The following DLGAP1 variants were observed in gnomAD, a reference collection of about 807,000 sequenced individuals.
The protein encoded by DLGAP1 is DLG associated protein 1.
A neutral mutation model predicts 90.8 loss-of-function variants in DLGAP1; 11 were observed. The observed-to-expected ratio is 0.12, with a 90% CI of 0.08 to 0.20. The LOEUF (loss-of-function observed/expected upper bound fraction) is 0.20, where lower values mean the gene tolerates loss of function less well. Ranked by LOEUF, DLGAP1 falls within the 10% of genes least tolerant of loss-of-function variation. DLGAP1 has a pLI of 1.00. For synonymous variants in DLGAP1, 558 were observed against 540.7 expected (o/e 1.03, Z -0.44); for missense variants, 1,050 against 1,333.8 (o/e 0.79, Z 3.31).
chr18:3,932,146 A>T (rs1230022729), intron 3 of DLGAP1, among the ~76,000 whole-genome samples: 1 of 152,186 alleles, frequency 6.6e-6, no homozygotes, highest in Non-Finnish European at 1.5e-5. Context: ...AAAGTCGCCC[A>T]CATGGTTAAA....
intron 5 of DLGAP1, among the ~76,000 whole-genome samples, chr18:3,792,891 C>G (rs2065802515): frequency 6.6e-6 from 1 of 152,182 alleles, no homozygotes; most frequent in South Asian, 2.1e-4. Context: ...CTGCTGCCAT[C>G]TGTGAAGCCT....
At chr18:4,224,691 C>T (rs2078148737) in intron 1 of DLGAP1, among the ~76,000 whole-genome samples, 1 of 150,686 alleles carries the variant, frequency 6.6e-6, no homozygotes, top group African/African-American at 2.4e-5. Flanking sequence ...GAATAGAGCA[C>T]CAGGTAGGTT....
intron 6 of DLGAP1, among the ~76,000 whole-genome samples, chr18:3,732,966 CTA>C (rs2062499369): frequency 6.6e-6 from 1 of 152,058 alleles, no homozygotes; most frequent in African/African-American, 2.4e-5. Context: ...GTAACCTCTT[CTA>C]TATATGTTTA....
chr18:3,928,678 CT>C (rs2072447772), intron 3 of DLGAP1, among the ~76,000 whole-genome samples: 1 of 152,164 alleles, frequency 6.6e-6, no homozygotes, highest in East Asian at 1.9e-4. Context: ...AGTAAAGTAA[CT>C]TATTCAAAGT....
At chr18:4,371,001 C>T (rs76431383) in intron 1 of DLGAP1, among the ~76,000 whole-genome samples, 2,978 of 152,110 alleles carry the variant, frequency 0.02, 100 homozygotes, top group African/African-American at 0.069. Flanking sequence ...CAGGCGTGTA[C>T]GCATGCACAC....
chr18:3,828,710 C>T (rs959266698), intron 4 of DLGAP1, among the ~76,000 whole-genome samples: 1 of 88,488 alleles, frequency 1.1e-5, no homozygotes, highest in Non-Finnish European at 2.5e-5. Flanking sequence ...CTTTCAAGAA[C>T]AATCCCATCT....
intron 2 of DLGAP1, among the ~76,000 whole-genome samples, chr18:4,011,525 C>T (rs974300601): frequency 2.6e-5 from 4 of 151,612 alleles, no homozygotes; most frequent in Non-Finnish European, 5.9e-5. Context: ...GTGCTGATAA[C>T]AGTCCTCTGG....
intron 3 of DLGAP1, among the ~76,000 whole-genome samples, chr18:3,921,396 C>A (rs1410992488): frequency 1.3e-5 from 2 of 152,148 alleles, no homozygotes; most frequent in East Asian, 3.9e-4. Flanking sequence ...ATAGTGCCTG[C>A]AGTATCTACA....
chr18:3,658,126 T>C (rs1418456627), intron 7 of DLGAP1, among the ~76,000 whole-genome samples: 1 of 152,210 alleles, frequency 6.6e-6, no homozygotes, highest in Admixed American at 6.6e-5. Flanking sequence ...TTTGTCACTG[T>C]ACATAAAGTT....
At chr18:3,647,481 T>A (rs1044995881) in intron 7 of DLGAP1, among the ~76,000 whole-genome samples, 3 of 151,890 alleles carry the variant, frequency 2.0e-5, no homozygotes, top group African/African-American at 7.2e-5. Flanking sequence ...TTTTTTTTTT[T>A]TTTAAACCGA....
chr18:4,050,629 C>T (rs549572794), intron 2 of DLGAP1, among the ~76,000 whole-genome samples: 1 of 152,302 alleles, frequency 6.6e-6, no homozygotes, highest in South Asian at 2.1e-4. Flanking sequence ...TTATTGCCAT[C>T]TATATTTTTA....
At chr18:4,399,418 A>G (rs888587635) in intron 1 of DLGAP1, among the ~76,000 whole-genome samples, 1 of 152,224 alleles carries the variant, frequency 6.6e-6, no homozygotes, top group Non-Finnish European at 1.5e-5. Flanking sequence ...TCCTTGTAAA[A>G]TAAGTATTAT....
chr18:3,624,928 AATAGCGGTTTCCCGCAG>A (rs775107218), intron 7 of DLGAP1, among the ~76,000 whole-genome samples: 2 of 152,142 alleles, frequency 1.3e-5, no homozygotes, highest in Non-Finnish European at 2.9e-5. Context: ...AAGAACCAAA[AATAGCGGTTTCCCGCAG>A]ATGCTCCCAG....
chr18:3,959,369 T>G (rs1289012306), intron 3 of DLGAP1, among the ~76,000 whole-genome samples: 1 of 152,066 alleles, frequency 6.6e-6, no homozygotes, highest in East Asian at 1.9e-4. Context: ...GAGCTCTTAA[T>G]CAGAAACACA....
chr18:3,938,200 A>G (rs2072684867), intron 3 of DLGAP1, among the ~76,000 whole-genome samples: 1 of 152,232 alleles, frequency 6.6e-6, no homozygotes, highest in Non-Finnish European at 1.5e-5. Context: ...ATTGGAAAAC[A>G]TTAAAAACTC....
intron 7 of DLGAP1, chr18:3,598,465 C>CTTTTTT (rs35437765): frequency 8.7e-6 from 1 of 115,328 alleles, no homozygotes. Flanking sequence ...CCCTCCATTA[C>CTTTTTT]TTTTTTTTTT....
At chr18:4,402,034 G>A (rs2082566066) in intron 1 of DLGAP1, among the ~76,000 whole-genome samples, 1 of 152,180 alleles carries the variant, frequency 6.6e-6, no homozygotes, top group African/African-American at 2.4e-5. Context: ...GACAGGGAGA[G>A]TAAAGTGCCA....
chr18:4,004,665 G>C (rs570257425), intron 3 of DLGAP1, among the ~76,000 whole-genome samples: 43 of 152,312 alleles, frequency 2.8e-4, no homozygotes, highest in African/African-American at 9.6e-4. Flanking sequence ...ATAATAACCA[G>C]TGTGTGAGAG....
chr18:3,519,689 A>G (rs1231544087), intron 10 of DLGAP1, among the ~76,000 whole-genome samples: 1 of 152,180 alleles, frequency 6.6e-6, no homozygotes, highest in East Asian at 1.9e-4. Context: ...TAAAGGACTC[A>G]AGGTTGAAGG....
Sources: gnomAD v4.1 joint callset for allele counts (sites outside exome capture counted in the v4.1 genomes callset) on GRCh38, gnomAD v4.1.1 for gene constraint, MANE v1.5 for transcripts, NCBI Gene and HGNC (gene_info 2026-07-23, HGNC 2026-07-21) for gene names.